The following STAT2 variants were observed in gnomAD, a reference collection of about 807,000 sequenced individuals.
STAT2 encodes the protein interferon alpha induced transcriptional activator.
In STAT2, 51 loss-of-function variants were observed where a neutral mutation model predicts 122.3. That is an observed-to-expected ratio of 0.42 (90% CI 0.33 to 0.53). The LOEUF is 0.53. Among genes scored for constraint, STAT2 ranks in the 20% least tolerant of loss-of-function variants. The pLI is 0.10. For missense variants in STAT2, 736 were observed against 1,010.3 expected, an observed-to-expected ratio of 0.73 and a Z score of 3.68; for synonymous variants, 351 against 394.9, an observed-to-expected ratio of 0.89 and a Z score of 1.32.
Position 56,346,931 on chromosome 12 carries a change from C to G in STAT2, c.1749G>C (p.Arg583=), listed in dbSNP as rs1565649322. 8 of 1,614,024 alleles carry G rather than the reference C, an allele frequency of 5.0e-6. No individual in the cohort carries two copies. The highest frequency in any genetic ancestry group is 6.8e-6 in the Non-Finnish European group (8 of 1,180,032). Reference sequence around the variant, plus strand: ...TCTTCAGCAGCCGGCGCTCCTGGCTCCGACTCACAAAGCCCATGATGCGTC... The same window carrying G: ...TCTTCAGCAGCCGGCGCTCCTGGCTGCGACTCACAAAGCCCATGATGCGTC... ...NDGRIMGFVS[R]SQERRLLKKT... is the part of the protein sequence containing the mutation. Residue 583 remains arginine (R), a synonymous_variant, in exon 20 of 24, where the codon CGG becomes CGC. Coordinates refer to ENST00000314128, the MANE Select transcript of STAT2 (RefSeq NM_005419.4).
At chr12:56,354,270 C>G in intron 8 of STAT2, 196 bp downstream of exon 8, 1 of 639,208 alleles carries the variant, frequency 1.6e-6, no homozygotes. Flanking sequence ...TCATTCCTTT[C>G]CCTGAAGGAG....
chr12:56,355,076 CCTCAACATTTA>C (rs754485180), intron 6 of STAT2, 189 bp downstream of exon 6: 4 of 720,176 alleles, frequency 5.6e-6, no homozygotes, highest in Non-Finnish European at 6.9e-6. Context: ...CCATGCATTT[CCTCAACATTTA>C]CTGTCTCTCA....
chr12:56,344,530 A>G (rs928855951), intron 22 of STAT2, among the ~76,000 whole-genome samples: 4 of 152,244 alleles, frequency 2.6e-5, no homozygotes, highest in Admixed American at 6.5e-5. Flanking sequence ...TAGATTCAAT[A>G]AAATGAGAAA....
At chr12:56,353,607 C>T (rs1878892270) in intron 8 of STAT2, among the ~76,000 whole-genome samples, 1 of 151,894 alleles carries the variant, frequency 6.6e-6, no homozygotes, top group Admixed American at 6.6e-5. Context: ...TGAAAATAAC[C>T]TAAATAGCTG....
chr12:56,350,489 T>A, intron 11 of STAT2, 57 bp from the exon 12 acceptor site: 3 of 1,525,818 alleles, frequency 2.0e-6, no homozygotes, highest in Non-Finnish European at 2.7e-6. Flanking sequence ...AAGTTAGGAG[T>A]TTCGTCTTTG....
Position 56,350,136 on chromosome 12 carries a change from C to A in STAT2, c.1170G>T (p.Lys390Asn), listed in dbSNP as rs773009245. 1 of 1,613,654 alleles carries A rather than the reference C, an allele frequency of 6.2e-7. No homozygotes were observed. ...TSNQKTLTPEKGQSQGLIWDF... is the reference protein window; with the variant it reads ...TSNQKTLTPENGQSQGLIWDF... ...CCCAAATCAAACCCTGACTCTGCCC[C>A]TTCTCGGGGGTCAAAGTTTTCTGGT... Residue 390 changes from lysine to asparagine, a missense_variant, in exon 13 of 24, where the codon AAG (lysine) becomes AAT (asparagine). Lys to Asn is a moderately conservative substitution (Grantham distance 94). Coordinates refer to ENST00000314128, the MANE Select transcript of STAT2 (RefSeq NM_005419.4).
chr12:56,357,220 A>G (rs1879653736), intron 1 of STAT2, among the ~76,000 whole-genome samples: 1 of 151,076 alleles, frequency 6.6e-6, no homozygotes, highest in African/African-American at 2.4e-5. Context: ...TATATTTTTT[A>G]GTAGAGATGG....
chr12:56,357,038 T>C (rs1307981813), intron 1 of STAT2, among the ~76,000 whole-genome samples: 1 of 144,794 alleles, frequency 6.9e-6, no homozygotes, highest in Non-Finnish European at 1.5e-5. Flanking sequence ...TTTTTTTTTT[T>C]TTTTTTTTTT....
In STAT2 at chr12:56,343,483, G is replaced by A; in HGVS notation, c.2462C>T (p.Pro821Leu). ...CACGGTGTTCTGGCCAGCCAACAGTGGGTCACCATTCGGCATGATTTCTTC... is the reference window on the plus strand; with the variant it reads ...CACGGTGTTCTGGCCAGCCAACAGTAGGTCACCATTCGGCATGATTTCTTC... The part of the protein sequence containing the change: ...KIEEIMPNGD[P>L]LLAGQNTVDE... The change falls in exon 24 of 24, where the codon CCA becomes CTA. Residue 821 changes from proline to leucine, a missense_variant. Transcript: ENST00000314128. 6.2e-7 allele frequency: 1 copy of A among 1,614,140 alleles called. No individual in the cohort carries two copies. Among genetic ancestry groups the A allele is most frequent in the Non-Finnish European group, 8.5e-7 (1 of 1,180,026 alleles).
chr12:56,351,815 G>A (rs887822136), intron 8 of STAT2, among the ~76,000 whole-genome samples: 19 of 152,058 alleles, frequency 1.2e-4, no homozygotes, highest in Non-Finnish European at 1.8e-4. Context: ...GAAAGGTTAA[G>A]TGACTTGCTT....
At chr12:56,344,277 T>C in intron 22 of STAT2, 142 bp from the exon 23 acceptor site, 2 of 1,258,990 alleles carry the variant, frequency 1.6e-6, no homozygotes, top group South Asian at 3.2e-5. Context: ...CCTCCTGGAG[T>C]TTGAATCCTG....
intron 8 of STAT2, among the ~76,000 whole-genome samples, chr12:56,354,203 A>G (rs556481384): frequency 2.0e-5 from 3 of 148,100 alleles, no homozygotes; most frequent in Non-Finnish European, 4.5e-5. Flanking sequence ...AAAAAAATAC[A>G]TATATATATA....
chr12:56,355,405 G>A (rs1879352264), intron 5 of STAT2, 38 bp downstream of exon 5: 5 of 1,613,780 alleles, frequency 3.1e-6, no homozygotes, highest in Non-Finnish European at 4.2e-6. Context: ...GTGTTAGGCT[G>A]AACGCTGTCA....
chr12:56,354,375 T>C (rs1026889769), intron 8 of STAT2, 91 bp downstream of exon 8: 13 of 1,576,076 alleles, frequency 8.2e-6, no homozygotes, highest in Middle Eastern at 2.3e-4. Context: ...CAGAGACAAA[T>C]AGAGAACAGT....
chr12:56,343,816 A>G lies in STAT2; in HGVS notation c.2413+9T>C, dbSNP rs376006993. The stretch of plus-strand genomic sequence containing the variant: ...GTGCCATCTTCCATAGCTCCATCTC[A>G]TCACTTACTTTCCATTGGCTCAGTG... On this transcript the variant is annotated intron_variant, in intron 23 of 23. Coordinates refer to ENST00000314128, the MANE Select transcript of STAT2 (RefSeq NM_005419.4). 9.3e-6 allele frequency: 15 copies of G among 1,613,522 alleles called. No individual in the cohort carries two copies. The highest frequency in any genetic ancestry group is 1.2e-5 in the Non-Finnish European group (14 of 1,179,530).
Position 56,343,930 on chromosome 12 carries a change from C to G in STAT2, c.2308G>C (p.Val770Leu). 1 of 1,614,146 alleles carries G rather than the reference C, an allele frequency of 6.2e-7. No homozygotes were observed. The highest frequency in any genetic ancestry group is 8.5e-7 in the Non-Finnish European group (1 of 1,180,020). ...TCTGGCTCTGGCACTGTTTGTGATA[C>G]CATGCATAGTGTGGGCTCTATCACA... The part of the protein sequence containing the change: ...EPVIEPTLCM[V>L]SQTVPEPDQG... The change falls in exon 23 of 24, where the codon GTA becomes CTA. Residue 770 changes from valine (V) to leucine (L), a missense_variant. By Grantham distance (32) the Val-to-Leu change is conservative. Transcript: ENST00000314128.
chr12:56,345,989 G>C (rs1295360809), intron 22 of STAT2, among the ~76,000 whole-genome samples, 157 bp downstream of exon 22: 4 of 152,102 alleles, frequency 2.6e-5, no homozygotes, highest in African/African-American at 9.7e-5. Context: ...GGCAGCTTAG[G>C]AGAAGGCAGA....
intron 21 of STAT2, 23 bp from the exon 22 acceptor site, chr12:56,346,226 G>C: frequency 6.2e-7 from 1 of 1,613,474 alleles, no homozygotes; most frequent in South Asian, 1.1e-5. Flanking sequence ...TATACAAGAA[G>C]CAGAGAAGAT....
chr12:56,346,662 A>G (rs1288691775), intron 20 of STAT2, 38 bp from the exon 21 acceptor site: 7 of 1,611,340 alleles, frequency 4.3e-6, no homozygotes, highest in African/African-American at 1.3e-5. Context: ...GCTTGAGGGA[A>G]GAGGCCGGGC....
Sources: gnomAD v4.1 joint callset for allele counts (sites outside exome capture counted in the v4.1 genomes callset) on GRCh38, gnomAD v4.1.1 for gene constraint, MANE v1.5 for transcripts, NCBI Gene and HGNC (gene_info 2026-07-23, HGNC 2026-07-21) for gene names.